Variants in CLEC4F observed in about 807,000 individuals in gnomAD.
The protein encoded by CLEC4F is C-type lectin domain family 4 member F.
In CLEC4F, 45 loss-of-function variants were observed where a neutral mutation model predicts 53.4. The ratio of observed to expected loss-of-function variants is 0.84; its 90% CI spans 0.66 to 1.08. The LOEUF (loss-of-function observed/expected upper bound fraction) is 1.08. Ranked by LOEUF, CLEC4F falls within the 50% of genes least tolerant of loss-of-function variation. The pLI is 0.00. For synonymous variants in CLEC4F, 245 were observed against 257.5 expected (o/e 0.95, Z 0.46); for missense variants, 753 against 698.2 (o/e 1.08, Z -0.88).
upstream of CLEC4F, among the ~76,000 whole-genome samples, chr2:70,820,979 G>A (rs1677199174): frequency 6.6e-6 from 1 of 152,164 alleles, no homozygotes; most frequent in South Asian, 2.1e-4. Context: ...CAGTGCGGCC[G>A]ATATTTGCAG....
intron 3 of CLEC4F, among the ~76,000 whole-genome samples, chr2:70,818,584 G>A (rs1403287172): frequency 2.0e-5 from 3 of 151,844 alleles, no homozygotes; most frequent in Admixed American, 6.6e-5. Flanking sequence ...GGTGGCGGGC[G>A]CCTGTAGTCC....
chr2:70,811,253 T>C, intron 5 of CLEC4F: 1 of 959,990 alleles, frequency 1.0e-6, no homozygotes, highest in Non-Finnish European at 1.6e-6. Flanking sequence ...CACAATTGTC[T>C]TAAATGTCAT....
intron 1 of CLEC4F, 24 bp downstream of exon 1, chr2:70,820,439 G>C: frequency 6.4e-7 from 1 of 1,566,858 alleles, no homozygotes; most frequent in Non-Finnish European, 8.7e-7. Flanking sequence ...CACTGGGCAA[G>C]AGCTGGGGCC....
intron 3 of CLEC4F, among the ~76,000 whole-genome samples, chr2:70,817,437 C>T (rs534422816): frequency 3.3e-5 from 5 of 152,288 alleles, no homozygotes; most frequent in East Asian, 1.9e-4. Context: ...TATAATTGCT[C>T]AACTTGAAAG....
intron 4 of CLEC4F, among the ~76,000 whole-genome samples, chr2:70,813,603 C>CTTTCTTTCTTTCTTTCTT (rs1558612550): frequency 2.8e-5 from 3 of 108,708 alleles, no homozygotes; most frequent in African/African-American, 1.2e-4. Flanking sequence ...CTTTCTCTTT[C>CTTTCTTTCTTTCTTTCTT]TTTCTTTCTT....
At position 70,808,944 on chromosome 2, in the gene CLEC4F, G is replaced by A. The variant is rs1676383046; in HGVS notation, c.*327C>T. On this transcript the variant is annotated 3_prime_UTR_variant, in exon 7 of 7. Coordinates refer to ENST00000272367, the MANE Select transcript of CLEC4F (RefSeq NM_173535.3). ...TGGCCTGCCCTCAGGCCACACCCTGGCCCATGGGCTTCTTGCACACCCACT... is the reference window on the plus strand; with the variant it reads ...TGGCCTGCCCTCAGGCCACACCCTGACCCATGGGCTTCTTGCACACCCACT... The A allele has an allele frequency of 1.2e-6, 1 of 843,484 alleles. No homozygotes were observed. Among genetic ancestry groups the A allele is most frequent in the Non-Finnish European group, 1.9e-6 (1 of 535,402 alleles). 52.2% of individuals were successfully genotyped at this position (843,484 alleles called of 1,614,324 possible).
chr2:70,823,986 T>C (rs12713718), upstream of CLEC4F, among the ~76,000 whole-genome samples: 117,308 of 144,866 alleles, frequency 0.81, 49,037 homozygotes, highest in Non-Finnish European at 0.92. Context: ...GCCGAGATTG[T>C]GCCACTGCAC....
rs1173320153 is a variant in CLEC4F, at chr2:70,817,126, G to A, written c.269-14C>T. 1 of 1,598,768 alleles carries A rather than the reference G, an allele frequency of 6.3e-7. No individual in the cohort carries two copies. Among genetic ancestry groups the A allele is most frequent in the Non-Finnish European group, 8.5e-7 (1 of 1,176,638 alleles). On this transcript the variant is annotated splice_polypyrimidine_tract_variant and intron_variant, in intron 3 of 6. Transcript: ENST00000272367. ...AGTGGTGATGATCTGGAGGGAGGAA[G>A]TGAAGAAGGCAGCCAAAGAGGCCCA...
upstream of CLEC4F, among the ~76,000 whole-genome samples, chr2:70,824,620 ACC>A (rs1553398625): frequency 3.2e-4 from 25 of 77,658 alleles, no homozygotes; most frequent in East Asian, 4.2e-4. Context: ...ATGCTTAGTT[ACC>A]AAAAAAAAAA....
chr2:70,825,008 CAAACACT>C (rs1553398707), upstream of CLEC4F, among the ~76,000 whole-genome samples: 1 of 152,156 alleles, frequency 6.6e-6, no homozygotes, highest in East Asian at 1.9e-4. Context: ...ATAAACTTGG[CAAACACT>C]ACCCCAGCCT....
chr2:70,809,861 C>T lies in CLEC4F; in HGVS notation c.1540-4G>A, dbSNP rs781915691. The T allele has an allele frequency of 1.9e-6, 3 of 1,602,060 alleles. No homozygotes were observed. In the African/African-American group the frequency reaches 4.0e-5, roughly 21 times the overall value. On this transcript the variant is annotated splice_region_variant and splice_polypyrimidine_tract_variant and intron_variant, in intron 5 of 6. Coordinates refer to ENST00000272367, the MANE Select transcript of CLEC4F (RefSeq NM_173535.3). ...TTGTGAACTCTACCAGAAATGCCTG[C>T]AGAGAAAAGGCAGTGTCAGTTTGCC...
In CLEC4F at chr2:70,815,857, C is replaced by T. The variant is rs1380502084; in HGVS notation, c.1387+137G>A. 4 of 939,984 alleles carry T rather than the reference C, an allele frequency of 4.3e-6. No homozygotes were observed. In the African/African-American group the frequency reaches 6.6e-5, roughly 16 times the overall value. The allele number at this position is 939,984 out of a possible 1,614,324, so 58.2% of individuals were successfully genotyped here. A position where few individuals can be genotyped will look rare whatever the true frequency, so the allele number is the denominator to read the frequency against. On this transcript the variant is annotated intron_variant, in intron 4 of 6. Coordinates refer to ENST00000272367, the MANE Select transcript of CLEC4F (RefSeq NM_173535.3). Reference sequence around the variant, plus strand: ...ACCTCACACCATCTCTACAACTGCCCAGTTTCCTTGGGCCCATTTCCCTGG... The same window carrying T: ...ACCTCACACCATCTCTACAACTGCCTAGTTTCCTTGGGCCCATTTCCCTGG...
chr2:70,815,370 C>A (rs1205628934), intron 4 of CLEC4F, among the ~76,000 whole-genome samples: 5 of 152,094 alleles, frequency 3.3e-5, no homozygotes, highest in African/African-American at 7.2e-5. Context: ...GTTCTGCCCC[C>A]AACCCCAGTT....
At chr2:70,817,345 G>C (rs868962600) in intron 3 of CLEC4F, among the ~76,000 whole-genome samples, 1 of 152,192 alleles carries the variant, frequency 6.6e-6, no homozygotes, top group Non-Finnish European at 1.5e-5. Context: ...AAATGAAGGG[G>C]TCAGAAGGAT....
intron 2 of CLEC4F, 98 bp from the exon 3 acceptor site, chr2:70,819,542 T>C (rs1677114080): frequency 2.5e-6 from 3 of 1,196,462 alleles, no homozygotes; most frequent in African/African-American, 1.5e-5. Context: ...ACCGGGGAGA[T>C]AGCAGCAAAG....
At chr2:70,820,361 G>C in intron 1 of CLEC4F, 102 bp downstream of exon 1, 7 of 1,036,508 alleles carry the variant, frequency 6.8e-6, no homozygotes, top group Non-Finnish European at 1.0e-5. Context: ...CAAGGGTCTG[G>C]GGAGAGCAAT....
At chr2:70,813,319 G>C (rs1012467858) in intron 4 of CLEC4F, among the ~76,000 whole-genome samples, 1 of 152,176 alleles carries the variant, frequency 6.6e-6, no homozygotes, top group African/African-American at 2.4e-5. Flanking sequence ...GGAACTTAGA[G>C]CCTAATAAAT....
At chr2:70,809,940 A>G (rs1676459686) in intron 5 of CLEC4F, 83 bp from the exon 6 acceptor site, 1 of 819,742 alleles carries the variant, frequency 1.2e-6, no homozygotes. Context: ...GCTTATAGAT[A>G]TACACATAAT....
At chr2:70,817,906 G>A (rs1677019325) in intron 3 of CLEC4F, among the ~76,000 whole-genome samples, 1 of 152,182 alleles carries the variant, frequency 6.6e-6, no homozygotes, top group Admixed American at 6.5e-5. Flanking sequence ...GTCGTTGAAG[G>A]AGACCCCACA....
Sources: allele counts gnomAD v4.1 joint callset (sites outside exome capture counted in the v4.1 genomes callset), GRCh38; gene constraint gnomAD v4.1.1; transcripts MANE v1.5; gene names NCBI Gene and HGNC (gene_info 2026-07-23, HGNC 2026-07-21).